Variants in MACROD2 observed in about 807,000 individuals in gnomAD.
MACROD2 encodes the protein ADP-ribose glycohydrolase MACROD2.
MACROD2 carries 36 observed loss-of-function variants against 70.4 expected under a neutral mutation model. That is an observed-to-expected ratio of 0.51 (90% CI 0.39 to 0.68). The LOEUF (loss-of-function observed/expected upper bound fraction) is 0.68, where lower values mean the gene tolerates loss of function less well. Ranked by LOEUF, MACROD2 falls within the 30% of genes least tolerant of loss-of-function variation. The probability of loss-of-function intolerance (pLI) is 0.00; values close to 1 mark genes in which losing one functional copy is unlikely to be tolerated. For synonymous variants in MACROD2, 172 were observed against 178.8 expected (o/e 0.96, Z 0.30); for missense variants, 496 against 538.4 (o/e 0.92, Z 0.78).
intron 8 of MACROD2, among the ~76,000 whole-genome samples, chr20:15,768,985 C>T (rs2051575755): frequency 6.6e-6 from 1 of 152,194 alleles, no homozygotes; most frequent in Admixed American, 6.5e-5. Flanking sequence ...CTGTCAGCTC[C>T]TGTGATAATG....
intron 3 of MACROD2, among the ~76,000 whole-genome samples, chr20:14,242,521 A>G (rs189794096): frequency 6.6e-6 from 1 of 152,326 alleles, no homozygotes; most frequent in African/African-American, 2.4e-5. Flanking sequence ...ATATATTCAC[A>G]GCATAAAGAA....
At chr20:14,437,871 A>G (rs2084075913) in intron 3 of MACROD2, among the ~76,000 whole-genome samples, 1 of 152,234 alleles carries the variant, frequency 6.6e-6, no homozygotes, top group South Asian at 2.1e-4. Flanking sequence ...AGACACATCT[A>G]TATAGTAAAA....
chr20:14,537,270 T>A (rs1333355990), intron 4 of MACROD2, among the ~76,000 whole-genome samples: 1 of 152,276 alleles, frequency 6.6e-6, no homozygotes, highest in East Asian at 1.9e-4. Context: ...TGATAGGTAG[T>A]TCCAGGAAAC....
At chr20:15,491,364 T>A (rs2047229650) in intron 7 of MACROD2, among the ~76,000 whole-genome samples, 1 of 152,182 alleles carries the variant, frequency 6.6e-6, no homozygotes, top group Admixed American at 6.5e-5. Context: ...GATCGCAAGA[T>A]CAGACATGAC....
At chr20:14,509,424 T>G (rs916438427) in intron 4 of MACROD2, among the ~76,000 whole-genome samples, 1 of 152,080 alleles carries the variant, frequency 6.6e-6, no homozygotes, top group Non-Finnish European at 1.5e-5. Context: ...TAAAATGAGC[T>G]ATTCCTTGCC....
At chr20:14,199,890 G>A (rs919480954) in intron 3 of MACROD2, among the ~76,000 whole-genome samples, 3 of 152,124 alleles carry the variant, frequency 2.0e-5, no homozygotes, top group Admixed American at 6.5e-5. Flanking sequence ...CCAATACATG[G>A]TAGAGGACTG....
chr20:14,718,121 C>G (rs867298838), intron 5 of MACROD2, among the ~76,000 whole-genome samples: 2 of 151,196 alleles, frequency 1.3e-5, no homozygotes, highest in Non-Finnish European at 3.0e-5. Context: ...GGTGAAACCC[C>G]GTCTCTACAA....
chr20:15,137,734 TAAAG>T (rs1395556803), intron 5 of MACROD2, among the ~76,000 whole-genome samples: 2 of 151,876 alleles, frequency 1.3e-5, no homozygotes, highest in African/African-American at 2.4e-5. Flanking sequence ...ATAATAATCT[TAAAG>T]GTAAGGTACA....
At chr20:16,035,672 T>C (rs910724319) in intron 15 of MACROD2, among the ~76,000 whole-genome samples, 2 of 152,042 alleles carry the variant, frequency 1.3e-5, no homozygotes, top group African/African-American at 4.8e-5. Context: ...AGTAATGTAA[T>C]GCTTCATCTC....
intron 3 of MACROD2, among the ~76,000 whole-genome samples, chr20:14,402,232 G>A (rs1189701751): frequency 6.6e-6 from 1 of 152,070 alleles, no homozygotes; most frequent in Non-Finnish European, 1.5e-5. Context: ...TTGTGTTAGT[G>A]TTGTTTTCTA....
At chr20:14,586,436 A>G (rs575171930) in intron 4 of MACROD2, among the ~76,000 whole-genome samples, 1 of 152,252 alleles carries the variant, frequency 6.6e-6, no homozygotes, top group South Asian at 2.1e-4. Context: ...AGTTATGCTT[A>G]CACAGATGAC....
intron 12 of MACROD2, among the ~76,000 whole-genome samples, chr20:15,946,122 A>G (rs930130021): frequency 6.6e-6 from 1 of 152,270 alleles, no homozygotes; most frequent in Non-Finnish European, 1.5e-5. Flanking sequence ...AGCACTTTGT[A>G]TTATATTCCT....
intron 2 of MACROD2, among the ~76,000 whole-genome samples, chr20:14,072,166 T>C (rs1350663512): frequency 6.6e-6 from 1 of 152,224 alleles, no homozygotes; most frequent in Non-Finnish European, 1.5e-5. Context: ...ACCTTTGTAT[T>C]GCTTTCAAAG....
intron 15 of MACROD2, among the ~76,000 whole-genome samples, chr20:16,011,625 CAAGCCCGAGTA>C (rs35942099): frequency 0.15 from 23,293 of 152,204 alleles, 1,912 homozygotes; most frequent in East Asian, 0.2. Context: ...AGCTCAAGCG[CAAGCCCGAGTA>C]AAGGAGACAG....
intron 2 of MACROD2, among the ~76,000 whole-genome samples, chr20:14,011,135 T>C (rs1238347160): frequency 6.6e-6 from 1 of 152,206 alleles, no homozygotes; most frequent in African/African-American, 2.4e-5. Context: ...ACCACTTTGA[T>C]ATTTGTGGTG....
intron 6 of MACROD2, among the ~76,000 whole-genome samples, chr20:15,249,471 C>T (rs1601298430): frequency 6.6e-6 from 1 of 152,232 alleles, no homozygotes; most frequent in East Asian, 1.9e-4. Flanking sequence ...CACTCCTTCC[C>T]TCTGATTAGA....
chr20:15,285,529 G>A (rs1454729185), intron 6 of MACROD2, among the ~76,000 whole-genome samples: 1 of 152,024 alleles, frequency 6.6e-6, no homozygotes. Context: ...TTTGAAAATC[G>A]TACTTCAATA....
At chr20:14,526,587 C>G (rs2085235653) in intron 4 of MACROD2, among the ~76,000 whole-genome samples, 1 of 152,188 alleles carries the variant, frequency 6.6e-6, no homozygotes, top group South Asian at 2.1e-4. Flanking sequence ...TTTCAGATTG[C>G]ACTCTTAAGT....
In MACROD2 at chr20:15,086,383, G is replaced by A. The variant is rs529805494; in HGVS notation, c.419-143557G>A. 7.2e-5 allele frequency among the ~76,000 whole-genome samples: 11 copies of A among 152,198 alleles called. No homozygotes were observed. The South Asian group carries it at 2.1e-3, about 29-fold the overall frequency. On this transcript the variant is annotated intron_variant, in intron 5 of 17. Coordinates refer to ENST00000684519, the MANE Select transcript of MACROD2 (RefSeq NM_001351661.2). ...TTCTTCCCATCTCTAGAATAGAGCC[G>A]TGATTATGAACTAAGTAGGGAAGAA... is the stretch of plus-strand genomic sequence containing the variant.
Sources: gnomAD v4.1 joint callset for allele counts (sites outside exome capture counted in the v4.1 genomes callset) on GRCh38, gnomAD v4.1.1 for gene constraint, MANE v1.5 for transcripts, NCBI Gene and HGNC (gene_info 2026-07-23, HGNC 2026-07-21) for gene names.